The following ACSS3 variants were observed in gnomAD, a reference collection of about 807,000 sequenced individuals.
ACSS3 encodes acyl-CoA synthetase short chain family member 3.
In ACSS3, 64 loss-of-function variants were observed where a neutral mutation model predicts 84.2. The observed-to-expected ratio is 0.76, with a 90% CI of 0.62 to 0.94. ACSS3 has a LOEUF of 0.94. Among genes scored for constraint, ACSS3 ranks in the 40% least tolerant of loss-of-function variants. The probability of loss-of-function intolerance (pLI) is 0.00; values close to 1 mark genes in which losing one functional copy is unlikely to be tolerated. For synonymous variants in ACSS3, 317 were observed against 310.1 expected (o/e 1.02, Z -0.23); for missense variants, 815 against 867.6 (o/e 0.94, Z 0.76).
At chr12:81,156,764 G>T (rs896867944) in intron 7 of ACSS3, among the ~76,000 whole-genome samples, 1 of 152,096 alleles carries the variant, frequency 6.6e-6, no homozygotes, top group Non-Finnish European at 1.5e-5. Flanking sequence ...TACTAGAATA[G>T]CCTTATTACT....
chr12:81,130,527 G>A (rs1463613846), intron 2 of ACSS3, among the ~76,000 whole-genome samples: 1 of 152,126 alleles, frequency 6.6e-6, no homozygotes, highest in Non-Finnish European at 1.5e-5. Flanking sequence ...CTGGATATTA[G>A]CTCTTTGCCA....
At chr12:81,105,035 C>T (rs897793425) in intron 1 of ACSS3, among the ~76,000 whole-genome samples, 1 of 151,794 alleles carries the variant, frequency 6.6e-6, no homozygotes, top group African/African-American at 2.4e-5. Flanking sequence ...ATATAAGACC[C>T]GAGATGTCTA....
intron 13 of ACSS3, among the ~76,000 whole-genome samples, chr12:81,235,382 G>C (rs2033600496): frequency 6.6e-6 from 1 of 151,052 alleles, no homozygotes; most frequent in Non-Finnish European, 1.5e-5. Flanking sequence ...CCTTGACACT[G>C]TAGCTATGTA....
chr12:81,087,661 TTTC>T (rs1235557702), intron 1 of ACSS3, among the ~76,000 whole-genome samples: 21 of 152,154 alleles, frequency 1.4e-4, no homozygotes, highest in African/African-American at 4.8e-4. Flanking sequence ...CCATACATTT[TTTC>T]TTATTTTCAT....
At chr12:81,170,787 A>C (rs2029976834) in intron 7 of ACSS3, among the ~76,000 whole-genome samples, 1 of 152,080 alleles carries the variant, frequency 6.6e-6, no homozygotes, top group Non-Finnish European at 1.5e-5. Context: ...TAGGCAGTTC[A>C]GTATGCTTAG....
intron 5 of ACSS3, chr12:81,151,625 G>T: frequency 4.8e-6 from 2 of 417,820 alleles, no homozygotes; most frequent in Non-Finnish European, 8.5e-6. Context: ...TGTGAGAATG[G>T]ATTCTAAAAA....
At chr12:81,143,287 T>G (rs1886181656) in intron 5 of ACSS3, 40 bp downstream of exon 5, 1 of 1,463,864 alleles carries the variant, frequency 6.8e-7, no homozygotes, top group South Asian at 1.4e-5. Flanking sequence ...TAGCAGTAGA[T>G]TTACTTTGCA....
At chr12:81,099,177 A>G (rs974454654) in intron 1 of ACSS3, among the ~76,000 whole-genome samples, 3 of 152,068 alleles carry the variant, frequency 2.0e-5, no homozygotes, top group African/African-American at 7.2e-5. Flanking sequence ...TGTAGCCTTC[A>G]TCTTTGAATT....
intron 3 of ACSS3, 51 bp from the exon 4 acceptor site, chr12:81,139,080 C>T: frequency 6.4e-7 from 1 of 1,562,106 alleles, no homozygotes; most frequent in South Asian, 1.1e-5. Flanking sequence ...ATTGTGATTA[C>T]CTAATTAACA....
intron 8 of ACSS3, among the ~76,000 whole-genome samples, chr12:81,195,229 A>G (rs1176563574): frequency 6.6e-6 from 1 of 152,026 alleles, no homozygotes; most frequent in Non-Finnish European, 1.5e-5. Flanking sequence ...GGAGTTTTCT[A>G]AAATATCAGA....
chr12:81,214,285 G>A (rs1004595651), intron 9 of ACSS3, among the ~76,000 whole-genome samples: 3 of 151,872 alleles, frequency 2.0e-5, no homozygotes, highest in African/African-American at 7.3e-5. Flanking sequence ...CTCGGCCTCC[G>A]AAAGTGCTGG....
At chr12:81,090,731 A>C (rs1881615640) in intron 1 of ACSS3, among the ~76,000 whole-genome samples, 1 of 151,988 alleles carries the variant, frequency 6.6e-6, no homozygotes, top group South Asian at 2.1e-4. Context: ...ATTGATCCTT[A>C]AGCTGTAGTA....
intron 5 of ACSS3, among the ~76,000 whole-genome samples, chr12:81,149,472 CA>C (rs894493922): frequency 6.6e-6 from 1 of 152,152 alleles, no homozygotes; most frequent in African/African-American, 2.4e-5. Context: ...AAACCTCTTA[CA>C]AAACGTGAAC....
intron 1 of ACSS3, among the ~76,000 whole-genome samples, chr12:81,108,698 GC>G (rs2121508693): frequency 6.6e-6 from 1 of 152,168 alleles, no homozygotes; most frequent in African/African-American, 2.4e-5. Context: ...TTTAACAAGA[GC>G]TTTTTTATTT....
At chr12:81,229,532 G>C (rs2135965872) in intron 11 of ACSS3, among the ~76,000 whole-genome samples, 1 of 151,994 alleles carries the variant, frequency 6.6e-6, no homozygotes, top group Non-Finnish European at 1.5e-5. Context: ...AACTGATGTA[G>C]TGATGTTATT....
intron 7 of ACSS3, among the ~76,000 whole-genome samples, chr12:81,164,551 C>G (rs537569388): frequency 6.6e-6 from 1 of 152,280 alleles, no homozygotes; most frequent in South Asian, 2.1e-4. Context: ...AGGGTAGGAA[C>G]TGCTCGCAAG....
chr12:81,173,503 C>A, intron 7 of ACSS3, among the ~76,000 whole-genome samples: 1 of 151,190 alleles, frequency 6.6e-6, no homozygotes, highest in African/African-American at 2.4e-5. Flanking sequence ...TTAAAGAAAA[C>A]CATTTAAAAA....
intron 2 of ACSS3, among the ~76,000 whole-genome samples, chr12:81,128,966 T>A (rs1185639736): frequency 6.6e-6 from 1 of 152,124 alleles, no homozygotes; most frequent in Non-Finnish European, 1.5e-5. Context: ...TAATGGAAAA[T>A]TTTACCAGAG....
chr12:81,133,785 G>T lies in ACSS3; in HGVS notation c.457-1031G>T, dbSNP rs77259512. On this transcript the variant is annotated intron_variant, in intron 2 of 15. Coordinates refer to ENST00000548058, the MANE Select transcript of ACSS3 (RefSeq NM_024560.4). ...TTTCTCTGCTAAAGTATAAGTACTT[G>T]CAGGGTAGAGATTATTGTCTTGTCT... Among the ~76,000 whole-genome samples the T allele has an allele frequency of 8.5e-3, 1,291 of 152,076 alleles. 22 individuals are homozygous for T. The highest frequency in any genetic ancestry group is 0.029 in the African/African-American group (1,190 of 41,498).
Sources: gnomAD v4.1 joint callset for allele counts (sites outside exome capture counted in the v4.1 genomes callset) on GRCh38, gnomAD v4.1.1 for gene constraint, MANE v1.5 for transcripts, NCBI Gene and HGNC (gene_info 2026-07-23, HGNC 2026-07-21) for gene names.